Variants in ZNF396 observed in about 807,000 individuals in gnomAD.
The protein encoded by ZNF396 is zinc finger and SCAN domain-containing protein 14.
Under a neutral mutation model 20.5 loss-of-function variants are expected in ZNF396, and 14 were observed. The observed-to-expected ratio is 0.68, with a 90% CI of 0.45 to 1.07. ZNF396 has a LOEUF of 1.07. ZNF396 is among the 50% of genes least tolerant of loss of function. The probability of loss-of-function intolerance (pLI) is 0.00; values close to 1 mark genes in which losing one functional copy is unlikely to be tolerated. For missense variants in ZNF396, 347 were observed against 390.1 expected, an observed-to-expected ratio of 0.89 and a Z score of 0.93; for synonymous variants, 119 against 140.6, an observed-to-expected ratio of 0.85 and a Z score of 1.08.
At chr18:35,375,349 T>G (rs1048533573) in intron 1 of ZNF396, among the ~76,000 whole-genome samples, 1 of 151,968 alleles carries the variant, frequency 6.6e-6, no homozygotes, top group Non-Finnish European at 1.5e-5. Context: ...TCTGAATGTA[T>G]TTCTATTTTT....
Position 35,366,766 on chromosome 18 carries a change from G to A in ZNF396, c.*2449C>T, listed in dbSNP as rs1269238008. The stretch of plus-strand genomic sequence containing the variant: ...TGCTAATGCTAATTTTTAAAACCAA[G>A]GTTAGCTCAATGAATTCTCCTTTTA... On this transcript the variant is annotated 3_prime_UTR_variant, in exon 4 of 4. Transcript: ENST00000589332. The A allele has an allele frequency of 6.6e-6, 1 of 152,100 alleles. No homozygotes were observed. Among genetic ancestry groups the A allele is most frequent in the East Asian group, 1.9e-4 (1 of 5,196 alleles). 9.4% of individuals were successfully genotyped at this position (152,100 alleles called of 1,614,324 possible). A position where few individuals can be genotyped will look rare whatever the true frequency, so the allele number is the denominator to read the frequency against.
chr18:35,371,710 T>C (rs1275278674), intron 3 of ZNF396: 4 of 152,200 alleles, frequency 2.6e-5, no homozygotes. Flanking sequence ...GCAGGGGTGA[T>C]AATTCAATTA....
chr18:35,369,768 G>C (rs1296059593), intron 3 of ZNF396, 108 bp from the exon 4 acceptor site: 1 of 1,136,248 alleles, frequency 8.8e-7, no homozygotes, highest in Non-Finnish European at 1.2e-6. Context: ...GTGAAGGACG[G>C]AGAGTGTAAG....
Position 35,369,537 on chromosome 18 carries a change from C to G in ZNF396, c.686G>C (p.Arg229Thr). 6.2e-7 allele frequency: 1 copy of G among 1,614,064 alleles called. No homozygotes were observed. Among genetic ancestry groups the G allele is most frequent in the Non-Finnish European group, 8.5e-7 (1 of 1,179,950 alleles). Residue 229 changes from arginine to threonine, a missense_variant, in exon 4 of 4, where the codon AGA becomes ACA. Physicochemically the swap from Arg to Thr is moderately conservative, Grantham distance 71. Coordinates refer to ENST00000589332, the MANE Select transcript of ZNF396 (RefSeq NM_001322286.2). ...CCTACCATCTTGTTCATAGGTTCCT[C>G]TATATGTGGAACTCTGGGAGCCATT... ...HMNGSQSSTY[R>T]GTYEQDGRFE... is the part of the protein sequence containing the mutation.
chr18:35,370,702 A>G (rs1202176000), intron 3 of ZNF396, among the ~76,000 whole-genome samples: 2 of 150,192 alleles, frequency 1.3e-5, no homozygotes, highest in Non-Finnish European at 3.0e-5. Flanking sequence ...TTTAGTAGAG[A>G]CGGGGTTTCA....
At chr18:35,375,193 T>C (rs1046350689) in intron 1 of ZNF396, among the ~76,000 whole-genome samples, 1 of 151,596 alleles carries the variant, frequency 6.6e-6, no homozygotes, top group Non-Finnish European at 1.5e-5. Flanking sequence ...ATCCCAGCAC[T>C]TTGGGAAGCC....
chr18:35,370,536 G>A (rs59654099), intron 3 of ZNF396, among the ~76,000 whole-genome samples: 35,052 of 105,320 alleles, frequency 0.33, 6,530 homozygotes, highest in Admixed American at 0.42. Flanking sequence ...TTTTTGAGAC[G>A]GAGTCTCGCT....
Position 35,368,750 on chromosome 18 carries a change from G to A in ZNF396, c.*465C>T. On this transcript the variant is annotated 3_prime_UTR_variant, in exon 4 of 4. Transcript: ENST00000589332. ...TACAGGCATGAGCCAACCGCACCCA[G>A]CCAGGAATTCTTTTTGAGTGCTTTA... 3 of 989,522 alleles carry A rather than the reference G, an allele frequency of 3.0e-6. No individual in the cohort carries two copies. Among genetic ancestry groups the A allele is most frequent in the Non-Finnish European group, 3.6e-6 (3 of 832,966 alleles). The allele number at this position is 989,522 out of a possible 1,614,324, so 61.3% of individuals were successfully genotyped here. A position where few individuals can be genotyped will look rare whatever the true frequency, so the allele number is the denominator to read the frequency against.
intron 2 of ZNF396, 71 bp downstream of exon 2, chr18:35,373,805 C>T (rs935084940): frequency 3.2e-5 from 50 of 1,549,046 alleles, no homozygotes; most frequent in Non-Finnish European, 3.3e-5. Flanking sequence ...AGTTTGAGAG[C>T]TCTACTCCCA....
In ZNF396 at chr18:35,368,460, C is replaced by T. The variant is rs771697019; in HGVS notation, c.*755G>A. ...ATATTTTGAATCTAGTAACAGAAGA[C>T]AAAATAGGAATTTATTTTTATTTTT... On this transcript the variant is annotated 3_prime_UTR_variant, in exon 4 of 4. Coordinates refer to ENST00000589332, the MANE Select transcript of ZNF396 (RefSeq NM_001322286.2). 3 of 1,087,456 alleles carry T rather than the reference C, an allele frequency of 2.8e-6. No individual in the cohort carries two copies. In the Admixed American group the frequency reaches 9.2e-5, roughly 33 times the overall value. 67.4% of individuals were successfully genotyped at this position (1,087,456 alleles called of 1,614,324 possible).
chr18:35,373,069 G>A (rs551974377), intron 3 of ZNF396: 86 of 226,228 alleles, frequency 3.8e-4, no homozygotes, highest in East Asian at 8.4e-4. Flanking sequence ...CAATATAGGC[G>A]ATTCTGCTAC....
chr18:35,374,281 T>A lies in ZNF396; in HGVS notation c.12A>T (p.Lys4Asn). Residue 4 changes from lysine to asparagine, a missense_variant, in exon 2 of 4, where the codon AAA becomes AAT. Coordinates refer to ENST00000589332, the MANE Select transcript of ZNF396 (RefSeq NM_001322286.2). This position sits in a 1 kb window ranked among gnomAD's most constrained non-coding sequence, Gnocchi z 4.3. MSA[K>N]LGKSSSLLTQ... ...TTAGGAGTGATGATGACTTTCCCAATTTTGCAGACATTTTGACAGACAAAT... is the reference window on the plus strand; with the variant it reads ...TTAGGAGTGATGATGACTTTCCCAAATTTGCAGACATTTTGACAGACAAAT... 6.2e-7 allele frequency: 1 copy of A among 1,613,468 alleles called. No homozygotes were observed. Among genetic ancestry groups the A allele is most frequent in the Non-Finnish European group, 8.5e-7 (1 of 1,179,838 alleles).
In ZNF396 at chr18:35,373,096, C is replaced by A. The variant is rs2045204764; in HGVS notation, c.562+360G>T. 1.8e-5 allele frequency: 5 copies of A among 273,950 alleles called. No individual in the cohort carries two copies. The East Asian group carries it at 3.3e-4, about 18-fold the overall frequency. The allele number at this position is 273,950 out of a possible 1,614,324, so 17.0% of individuals were successfully genotyped here. A position where few individuals can be genotyped will look rare whatever the true frequency, so the allele number is the denominator to read the frequency against. ...TTCTGCTACGAGATCCCACCAGTAA[C>A]TGAGCAGTTATATAGGAAATGATGA... On this transcript the variant is annotated intron_variant, in intron 3 of 3. Transcript: ENST00000589332.
In ZNF396 at chr18:35,368,648, C is replaced by T. The variant is rs894004999; in HGVS notation, c.*567G>A. 2.6e-5 allele frequency: 17 copies of T among 661,132 alleles called. No individual in the cohort carries two copies. Among genetic ancestry groups the T allele is most frequent in the African/African-American group, 5.9e-5 (3 of 50,818 alleles). The allele number at this position is 661,132 out of a possible 1,614,324, so 41.0% of individuals were successfully genotyped here. A position where few individuals can be genotyped will look rare whatever the true frequency, so the allele number is the denominator to read the frequency against. ...TTGAATTTTAGTAGAGACGGGGTTT[C>T]GCCGTGTTGTCCAGGCTGGTCTTGA... On this transcript the variant is annotated 3_prime_UTR_variant, in exon 4 of 4. Transcript: ENST00000589332.
chr18:35,373,070 A>G (rs1204771036), intron 3 of ZNF396: 2 of 230,030 alleles, frequency 8.7e-6, no homozygotes, highest in Non-Finnish European at 1.7e-5. Flanking sequence ...AATATAGGCG[A>G]TTCTGCTACG....
chr18:35,375,376 CTTACT>C (rs1279516508), intron 1 of ZNF396, among the ~76,000 whole-genome samples: 2 of 151,628 alleles, frequency 1.3e-5, no homozygotes, highest in Non-Finnish European at 2.9e-5. Flanking sequence ...ATCCATATTA[CTTACT>C]TAACTATTTT....
Position 35,373,570 on chromosome 18 carries a change from C to A in ZNF396, c.448G>T (p.Ala150Ser), listed in dbSNP as rs2045214463. Residue 150 changes from alanine to serine, a missense_variant, in exon 3 of 4, where the codon GCA becomes TCA. Transcript: ENST00000589332. ...ATTTCTGAAGGTGCTAGCTTCTCTGCAATCATGTCCTTCCTTCGTCCAAAA... is the reference window on the plus strand; with the variant it reads ...ATTTCTGAAGGTGCTAGCTTCTCTGAAATCATGTCCTTCCTTCGTCCAAAA... ...IFFGRRKDMI[A>S]EKLAPSEITE... is the part of the protein sequence containing the mutation. The A allele has an allele frequency of 3.7e-6, 6 of 1,614,096 alleles. No individual in the cohort carries two copies. Among genetic ancestry groups the A allele is most frequent in the South Asian group, 1.1e-5 (1 of 91,070 alleles).
chr18:35,371,658 A>G (rs992608046), intron 3 of ZNF396, among the ~76,000 whole-genome samples: 3 of 152,148 alleles, frequency 2.0e-5, no homozygotes, highest in Non-Finnish European at 4.4e-5. Context: ...ATGATCACCA[A>G]TTAACCCATT....
At position 35,366,772 on chromosome 18, in the gene ZNF396, C is replaced by T. The variant is rs1269490218; in HGVS notation, c.*2443G>A. ...TGCTAATTTTTAAAACCAAGGTTAG[C>T]TCAATGAATTCTCCTTTTATATAAA... On this transcript the variant is annotated 3_prime_UTR_variant, in exon 4 of 4. Transcript: ENST00000589332. 1.3e-5 allele frequency: 2 copies of T among 152,164 alleles called. No homozygotes were observed. The highest frequency in any genetic ancestry group is 1.9e-4 in the East Asian group (1 of 5,194). The allele number at this position is 152,164 out of a possible 1,614,324, so 9.4% of individuals were successfully genotyped here.
Sources: allele counts gnomAD v4.1 joint callset (sites outside exome capture counted in the v4.1 genomes callset), GRCh38; gene constraint gnomAD v4.1.1; non-coding constraint Gnocchi (gnomAD v3.1); transcripts MANE v1.5; gene names NCBI Gene and HGNC (gene_info 2026-07-23, HGNC 2026-07-21).